Variants in KIRREL3 observed in about 807,000 individuals in gnomAD.
The protein encoded by KIRREL3 is kirre like nephrin family adhesion molecule 3.
KIRREL3 carries 36 observed loss-of-function variants against 89.7 expected under a neutral mutation model. That is an observed-to-expected ratio of 0.40 (90% CI 0.31 to 0.53). The LOEUF is 0.53. Among genes scored for constraint, KIRREL3 ranks in the 20% least tolerant of loss-of-function variants. The probability of loss-of-function intolerance (pLI) is 0.49; values close to 1 mark genes in which losing one functional copy is unlikely to be tolerated. For synonymous variants in KIRREL3, 445 were observed against 441.4 expected (o/e 1.01, Z -0.10); for missense variants, 864 against 1,056.6 (o/e 0.82, Z 2.53).
Position 126,544,007 on chromosome 11 carries a change from A to G in KIRREL3, c.134-17320T>C. 6.5e-6 allele frequency: 1 copy of G among 152,812 alleles called. No homozygotes were observed. Among genetic ancestry groups the G allele is most frequent in the Non-Finnish European group, 1.5e-5 (1 of 68,430 alleles). 9.5% of individuals were successfully genotyped at this position (152,812 alleles called of 1,614,324 possible). On this transcript the variant is annotated intron_variant, in intron 2 of 16. Transcript: ENST00000525144. This position sits in a 1 kb window ranked among gnomAD's most constrained non-coding sequence, Gnocchi z 5.6. The stretch of plus-strand genomic sequence containing the variant: ...GGCCCTTCTGCTGGGGCACGGGGTC[A>G]GGGGGCAGCACATGGGCATGTGGCC...
rs1424836871 is a variant in KIRREL3, at chr11:126,498,365, C to T, written c.433+22950G>A. On this transcript the variant is annotated intron_variant, in intron 4 of 16. Transcript: ENST00000525144. This position sits in a 1 kb window ranked among gnomAD's most constrained non-coding sequence, Gnocchi z 4.3. ...ATAACATTCCTCAGTAAACAGCAGC[C>T]TCTCTTTAATAAGCCAGGCTCTTCC... 1.3e-5 allele frequency among the ~76,000 whole-genome samples: 2 copies of T among 152,200 alleles called. No individual in the cohort carries two copies. Among genetic ancestry groups the T allele is most frequent in the Non-Finnish European group, 1.5e-5 (1 of 68,048 alleles).
At chr11:126,863,479 G>A (rs544610518) in intron 1 of KIRREL3, among the ~76,000 whole-genome samples, 1,000 of 56,074 alleles carry the variant, frequency 0.018, 12 homozygotes, top group African/African-American at 0.043. Context: ...GTGTGAGTGC[G>A]TGTGTGAGTG....
At position 126,773,892 on chromosome 11, in the gene KIRREL3, C is replaced by T. The variant is rs1231088182; in HGVS notation, c.56-210980G>A. Among the ~76,000 whole-genome samples, 1 of 152,028 alleles carries T rather than the reference C, an allele frequency of 6.6e-6. No homozygotes were observed. The highest frequency in any genetic ancestry group is 1.5e-5 in the Non-Finnish European group (1 of 68,006). ...TAAAAGTGCAAACAGCAGAACACAC[C>T]CCAGGGAGGTGAGGAGGTTGTGCAC... On this transcript the variant is annotated intron_variant, in intron 1 of 16. Coordinates refer to ENST00000525144, the MANE Select transcript of KIRREL3 (RefSeq NM_032531.4). This position sits in a 1 kb window ranked among gnomAD's most constrained non-coding sequence, Gnocchi z 4.2.
rs1031590659 is a variant in KIRREL3, at chr11:126,708,951, A to G, written c.56-146039T>C. Among the ~76,000 whole-genome samples the G allele has an allele frequency of 1.3e-5, 2 of 152,080 alleles. No individual in the cohort carries two copies. Among genetic ancestry groups the G allele is most frequent in the Non-Finnish European group, 2.9e-5 (2 of 68,020 alleles). ...TGTTTCTTGAATTGGTTTCTTCTCT[A>G]TCCCACTATTACTGTCCTGATCCGT... is the stretch of plus-strand genomic sequence containing the variant. On this transcript the variant is annotated intron_variant, in intron 1 of 16. Transcript: ENST00000525144. The surrounding 1 kb of genome is among the most constrained non-coding windows in gnomAD (Gnocchi z 5.7).
At position 126,664,776 on chromosome 11, in the gene KIRREL3, C is replaced by T. The variant is rs1010499834; in HGVS notation, c.56-101864G>A. Among the ~76,000 whole-genome samples, 13 of 152,180 alleles carry T rather than the reference C, an allele frequency of 8.5e-5. No individual in the cohort carries two copies. The highest frequency in any genetic ancestry group is 1.8e-4 in the Non-Finnish European group (12 of 68,032). On this transcript the variant is annotated intron_variant, in intron 1 of 16. Coordinates refer to ENST00000525144, the MANE Select transcript of KIRREL3 (RefSeq NM_032531.4). The surrounding 1 kb of genome is among the most constrained non-coding windows in gnomAD (Gnocchi z 5.4). ...AATGACATCTCATAGAGACACTTTC[C>T]TTTCTAACCCTGGCTGCAGCCTCAT...
intron 8 of KIRREL3, among the ~76,000 whole-genome samples, chr11:126,447,856 T>A (rs1955882153): frequency 6.6e-6 from 1 of 152,184 alleles, no homozygotes; most frequent in South Asian, 2.1e-4. Flanking sequence ...GGGCCAGATT[T>A]TTTCAAGTTT....
chr11:126,886,972 T>C (rs1483644066), intron 1 of KIRREL3, among the ~76,000 whole-genome samples: 1 of 152,084 alleles, frequency 6.6e-6, no homozygotes, highest in Non-Finnish European at 1.5e-5. Context: ...AAAGGATAAT[T>C]GTTCTGAGCA....
rs1332829406 is a variant in KIRREL3 at position 126,527,224 on chromosome 11, G to A, written c.134-537C>T. Among the ~76,000 whole-genome samples the A allele has an allele frequency of 6.6e-6, 1 of 152,160 alleles. No individual in the cohort carries two copies. Among genetic ancestry groups the A allele is most frequent in the African/African-American group, 2.4e-5 (1 of 41,426 alleles). On this transcript the variant is annotated intron_variant, in intron 2 of 16. Transcript: ENST00000525144. The surrounding 1 kb of genome is among the most constrained non-coding windows in gnomAD (Gnocchi z 4.2). ...TGGGCTGAGGGCCAAGTTCAGAGGG[G>A]TGGGTGGTGGTGCAGTATGGCAGGA...
chr11:126,758,457 T>G (rs1946079), intron 1 of KIRREL3, among the ~76,000 whole-genome samples: 35,381 of 152,156 alleles, frequency 0.23, 4,719 homozygotes, highest in African/African-American at 0.35. Flanking sequence ...AATTCCAATC[T>G]GAGCATGGGA....
At chr11:126,862,269 C>A (rs1175235250) in intron 1 of KIRREL3, among the ~76,000 whole-genome samples, 2 of 152,240 alleles carry the variant, frequency 1.3e-5, no homozygotes, top group Non-Finnish European at 2.9e-5. Context: ...AACCCACATC[C>A]ACCCAAATGG....
rs921492087 is a variant in KIRREL3, at chr11:126,903,474, A to G, written c.55+96981T>C. Among the ~76,000 whole-genome samples, 1 of 152,206 alleles carries G rather than the reference A, an allele frequency of 6.6e-6. No homozygotes were observed. Among genetic ancestry groups the G allele is most frequent in the African/African-American group, 2.4e-5 (1 of 41,454 alleles). The stretch of plus-strand genomic sequence containing the variant: ...TTGCTAATGAATTTGAAAACTCAGC[A>G]AAGCAAGGAGAGCTGAGCGTTTTTC... On this transcript the variant is annotated intron_variant, in intron 1 of 16. Transcript: ENST00000525144. The surrounding 1 kb of genome is among the most constrained non-coding windows in gnomAD (Gnocchi z 4.5).
chr11:126,478,345 T>C (rs908843502), intron 4 of KIRREL3, among the ~76,000 whole-genome samples: 3 of 152,174 alleles, frequency 2.0e-5, no homozygotes, highest in East Asian at 3.8e-4. Context: ...ACCTTATCTA[T>C]CTTGGTCATT....
chr11:126,742,726 G>C lies in KIRREL3; in HGVS notation c.56-179814C>G, dbSNP rs1384160495. ...CTAGCAGCTAAGAAATCAGCAGACA[G>C]TGGACTTTAGAACCAGGCAGGCAAA... On this transcript the variant is annotated intron_variant, in intron 1 of 16. Transcript: ENST00000525144. This position sits in a 1 kb window ranked among gnomAD's most constrained non-coding sequence, Gnocchi z 5.3. Among the ~76,000 whole-genome samples the C allele has an allele frequency of 1.3e-5, 2 of 152,224 alleles. No individual in the cohort carries two copies. Among genetic ancestry groups the C allele is most frequent in the Non-Finnish European group, 2.9e-5 (2 of 68,044 alleles).
At chr11:126,679,115 C>T (rs1946336607) in intron 1 of KIRREL3, among the ~76,000 whole-genome samples, 1 of 152,172 alleles carries the variant, frequency 6.6e-6, no homozygotes, top group Non-Finnish European at 1.5e-5. Context: ...GCCCCTTCTT[C>T]CTGAATGTGG....
chr11:126,828,908 G>A (rs1943508494), intron 1 of KIRREL3, among the ~76,000 whole-genome samples: 1 of 152,218 alleles, frequency 6.6e-6, no homozygotes, highest in African/African-American at 2.4e-5. Flanking sequence ...ATCTGAAGGA[G>A]AGGGGACAGT....
At chr11:126,433,516 A>G (rs1955211210) in intron 13 of KIRREL3, among the ~76,000 whole-genome samples, 2 of 152,106 alleles carry the variant, frequency 1.3e-5, no homozygotes, top group South Asian at 4.1e-4. Context: ...TTGGTTACCT[A>G]CCAATTAGTG....
intron 1 of KIRREL3, among the ~76,000 whole-genome samples, chr11:126,979,464 G>T (rs957536003): frequency 1.3e-5 from 2 of 152,126 alleles, no homozygotes; most frequent in African/African-American, 4.8e-5. Flanking sequence ...TTGATTTGCG[G>T]GAAATTCATT....
chr11:126,792,933 A>G (rs1004112779), intron 1 of KIRREL3, among the ~76,000 whole-genome samples: 8 of 152,206 alleles, frequency 5.3e-5, no homozygotes, highest in South Asian at 2.1e-4. Context: ...GAAGGATGAC[A>G]CAGGAGTGGG....
In KIRREL3 at chr11:126,771,330, A is replaced by G. The variant is rs1218494141; in HGVS notation, c.56-208418T>C. Among the ~76,000 whole-genome samples, 1 of 152,008 alleles carries G rather than the reference A, an allele frequency of 6.6e-6. No homozygotes were observed. Among genetic ancestry groups the G allele is most frequent in the African/African-American group, 2.4e-5 (1 of 41,384 alleles). On this transcript the variant is annotated intron_variant, in intron 1 of 16. Transcript: ENST00000525144. The surrounding 1 kb of genome is among the most constrained non-coding windows in gnomAD (Gnocchi z 4.4). ...ACCTGCTTGAGTCCAGTTAACAGAC[A>G]TGAGGTTTGAACTTTGAAATACCTG...
Sources: gnomAD v4.1 joint callset for allele counts (sites outside exome capture counted in the v4.1 genomes callset) on GRCh38, gnomAD v4.1.1 for gene constraint, Gnocchi (gnomAD v3.1) non-coding constraint, MANE v1.5 for transcripts, NCBI Gene and HGNC (gene_info 2026-07-23, HGNC 2026-07-21) for gene names.